SF1: variants seen among roughly 807,000 people sequenced by gnomAD.
The protein encoded by SF1 is splicing factor 1.
A neutral mutation model predicts 62.5 loss-of-function variants in SF1; 7 were observed. The ratio of observed to expected loss-of-function variants is 0.11; its 90% CI spans 0.06 to 0.21. The LOEUF is 0.21. SF1 is among the 10% of genes least tolerant of loss of function. SF1 has a pLI of 1.00. For synonymous variants in SF1, 394 were observed against 323.6 expected (o/e 1.22, Z -2.33); for missense variants, 578 against 884.0 (o/e 0.65, Z 4.39).
intron 4 of SF1, 41 bp from the exon 5 acceptor site, chr11:64,770,094 A>C: frequency 6.3e-7 from 1 of 1,585,698 alleles, no homozygotes; most frequent in South Asian, 1.1e-5. Flanking sequence ...TTTCTGGAGA[A>C]TGACACAGCC....
chr11:64,778,080 G>A, intron 1 of SF1: 8 of 960,408 alleles, frequency 8.3e-6, no homozygotes, highest in Non-Finnish European at 1.0e-5. Context: ...TAGAGCGGCG[G>A]CGGAGGGGGC....
chr11:64,767,746 C>A lies in SF1; in HGVS notation c.1167G>T (p.Gly389=), dbSNP rs779793122. 6.2e-7 allele frequency: 1 copy of A among 1,613,044 alleles called. No individual in the cohort carries two copies. Among genetic ancestry groups the A allele is most frequent in the Non-Finnish European group, 8.5e-7 (1 of 1,179,500 alleles). Residue 389 remains glycine, a synonymous_variant, in exon 10 of 13, where the codon GGG becomes GGT. Transcript: ENST00000377390. ...YHGMHGGGPG[G]PGGGPHSFPH... is the part of the protein sequence containing the mutation. Reference sequence around the variant, plus strand: ...GGAAGCTGTGGGGGCCACCTCCGGGCCCACCAGGACCACCTCCATGCATGC... The same window carrying A: ...GGAAGCTGTGGGGGCCACCTCCGGGACCACCAGGACCACCTCCATGCATGC...
chr11:64,769,269 G>A lies in SF1; in HGVS notation c.733C>T (p.Arg245Trp), dbSNP rs111552365. 6.2e-7 allele frequency: 1 copy of A among 1,614,148 alleles called. No homozygotes were observed. Among genetic ancestry groups the A allele is most frequent in the Non-Finnish European group, 8.5e-7 (1 of 1,180,042 alleles). The stretch of plus-strand genomic sequence containing the variant: ...GTCCCATTTAAGCGAGCCAACTCCC[G>A]AAGCTGCATCTTCCGTAGATCATTC... ...DQNDLRKMQL[R>W]ELARLNGTLR... Residue 245 changes from arginine (R) to tryptophan (W), a missense_variant, in exon 7 of 13, where the codon CGG becomes TGG. By Grantham distance (101) the Arg-to-Trp change is moderately radical. Coordinates refer to ENST00000377390, the MANE Select transcript of SF1 (RefSeq NM_004630.4).
At chr11:64,770,075 C>T in intron 4 of SF1, 22 bp from the exon 5 acceptor site, 1 of 1,602,018 alleles carries the variant, frequency 6.2e-7, no homozygotes. Flanking sequence ...AAGCCTGTGT[C>T]ACCGCACATT....
chr11:64,765,391 A>T lies in SF1; in HGVS notation c.*427T>A. ...CCGATTCCGTCCACAAAAATAACTC[A>T]GGCTGCTTTGCCGAACCATCCTGTC... On this transcript the variant is annotated 3_prime_UTR_variant, in exon 13 of 13. Coordinates refer to ENST00000377390, the MANE Select transcript of SF1 (RefSeq NM_004630.4). 1 of 1,189,650 alleles carries T rather than the reference A, an allele frequency of 8.4e-7. No homozygotes were observed. Among genetic ancestry groups the T allele is most frequent in the Non-Finnish European group, 1.2e-6 (1 of 802,806 alleles). The allele number at this position is 1,189,650 out of a possible 1,614,324, so 73.7% of individuals were successfully genotyped here. A position where few individuals can be genotyped will look rare whatever the true frequency, so the allele number is the denominator to read the frequency against.
At chr11:64,772,346 A>G (rs1420078524) in intron 3 of SF1, 3 of 983,818 alleles carry the variant, frequency 3.0e-6, no homozygotes, top group Non-Finnish European at 2.4e-6. Context: ...AATCTTCAAA[A>G]AGAAACGAAA....
In SF1 at chr11:64,765,253, A is replaced by C. The variant is rs2058559808; in HGVS notation, c.*565T>G. 2 of 505,644 alleles carry C rather than the reference A, an allele frequency of 4.0e-6. No homozygotes were observed. The highest frequency in any genetic ancestry group is 3.3e-5 in the East Asian group (1 of 30,286). 31.3% of individuals were successfully genotyped at this position (505,644 alleles called of 1,614,324 possible). On this transcript the variant is annotated 3_prime_UTR_variant, in exon 13 of 13. Transcript: ENST00000377390. ...GGAAAGGAATCTAAATTGCAGCAGA[A>C]GACCGGGGAGAGCATCTCCTTGGAC...
At chr11:64,773,639 T>C (rs1938662728) in intron 2 of SF1, 134 bp from the exon 3 acceptor site, 2 of 1,007,804 alleles carry the variant, frequency 2.0e-6, no homozygotes, top group Non-Finnish European at 2.8e-6. Flanking sequence ...GTGAACACAT[T>C]GAAGCAAAAA....
chr11:64,778,269 G>C, intron 1 of SF1, 93 bp downstream of exon 1: 1 of 1,213,520 alleles, frequency 8.2e-7, no homozygotes, highest in Non-Finnish European at 1.0e-6. Flanking sequence ...GGAGCCAGCA[G>C]CCCCGCCCCA....
In SF1 at chr11:64,767,601, G is replaced by A; in HGVS notation, c.1312C>T (p.Pro438Ser). Residue 438 changes from proline to serine, a missense_variant, in exon 10 of 13, where the codon CCT (proline) becomes TCT (serine). Coordinates refer to ENST00000377390, the MANE Select transcript of SF1 (RefSeq NM_004630.4). ...PPPPMNQGPHPPGHHGPPPMD... is the reference protein window; with the variant it reads ...PPPPMNQGPHSPGHHGPPPMD... ...GGAGGAGGGCCATGGTGCCCAGGAGGGTGGGGGCCCTGGTTCATCGGTGGT... is the reference window on the plus strand; with the variant it reads ...GGAGGAGGGCCATGGTGCCCAGGAGAGTGGGGGCCCTGGTTCATCGGTGGT... 1 of 1,579,724 alleles carries A rather than the reference G, an allele frequency of 6.3e-7. No homozygotes were observed. The highest frequency in any genetic ancestry group is 8.6e-7 in the Non-Finnish European group (1 of 1,164,970).
At chr11:64,773,040 ATT>A (rs1938573916) in intron 3 of SF1, 1 of 1,013,728 alleles carries the variant, frequency 9.9e-7, no homozygotes, top group Non-Finnish European at 1.2e-6. Context: ...GCTCAAAAAT[ATT>A]TTTAGTCCCT....
chr11:64,771,586 G>C (rs1938328420), intron 3 of SF1: 1 of 985,256 alleles, frequency 1.0e-6, no homozygotes, highest in South Asian at 4.7e-5. Flanking sequence ...GGAATAAAAG[G>C]TCAGGTTTGT....
chr11:64,766,638 G>A (rs899115706), intron 12 of SF1: 5 of 438,474 alleles, frequency 1.1e-5, no homozygotes, highest in East Asian at 7.1e-5. Flanking sequence ...CGAGGGTCTG[G>A]ACTTCTGGCC....
At chr11:64,767,302 G>A in intron 10 of SF1, 51 bp from the exon 11 acceptor site, 13 of 1,560,572 alleles carry the variant, frequency 8.3e-6, no homozygotes, top group East Asian at 2.2e-5. Context: ...AACTGGCCAG[G>A]GAAGCCACCC....
At chr11:64,770,592 T>G in intron 3 of SF1, 184 bp from the exon 4 acceptor site, 1 of 627,380 alleles carries the variant, frequency 1.6e-6, no homozygotes, top group Non-Finnish European at 2.7e-6. Flanking sequence ...TGGCTTAACG[T>G]TAGGGGTCTG....
chr11:64,767,465 A>C, intron 10 of SF1, 106 bp downstream of exon 10: 1 of 1,249,418 alleles, frequency 8.0e-7, no homozygotes, highest in South Asian at 1.4e-5. Flanking sequence ...AGGCAGACCC[A>C]GCACATTGCC....
chr11:64,771,496 GGA>G (rs1667042039), intron 3 of SF1: 1 of 985,224 alleles, frequency 1.0e-6, no homozygotes, highest in African/African-American at 1.7e-5. Flanking sequence ...TTGCCTAGTT[GGA>G]GAGCAAGGAC....
At chr11:64,766,614 G>GCT (rs2058690138) in intron 12 of SF1, 3 of 417,160 alleles carry the variant, frequency 7.2e-6, no homozygotes, top group South Asian at 5.6e-5. Context: ...CCAGCCAGCC[G>GCT]CTCACTCAGC....
intron 1 of SF1, among the ~76,000 whole-genome samples, chr11:64,777,203 G>A (rs1237449809): frequency 6.6e-6 from 1 of 152,166 alleles, no homozygotes; most frequent in Admixed American, 6.5e-5. Context: ...TGGACACTGA[G>A]GGTCTGAACT....
Sources: gnomAD v4.1 joint callset for allele counts (sites outside exome capture counted in the v4.1 genomes callset) on GRCh38, gnomAD v4.1.1 for gene constraint, MANE v1.5 for transcripts, NCBI Gene and HGNC (gene_info 2026-07-23, HGNC 2026-07-21) for gene names.